ZBTB16: variants seen among roughly 807,000 people sequenced by gnomAD.
ZBTB16 encodes the protein zinc finger and BTB domain-containing protein 16.
A neutral mutation model predicts 56.8 loss-of-function variants in ZBTB16; 8 were observed. The ratio of observed to expected loss-of-function variants is 0.14; its 90% CI spans 0.08 to 0.25. The LOEUF is 0.25. Ranked by LOEUF, ZBTB16 falls within the 10% of genes least tolerant of loss-of-function variation. The probability of loss-of-function intolerance (pLI) is 1.00; values close to 1 mark genes in which losing one functional copy is unlikely to be tolerated. For synonymous variants in ZBTB16, 363 were observed against 368.5 expected (o/e 0.98, Z 0.17); for missense variants, 625 against 903.0 (o/e 0.69, Z 3.95).
chr11:114,088,795 T>G (rs767984822), intron 2 of ZBTB16, among the ~76,000 whole-genome samples: 17 of 152,226 alleles, frequency 1.1e-4, no homozygotes, highest in Non-Finnish European at 2.5e-4. Context: ...GTTTTTTCTT[T>G]TATCTTTTCT....
intron 4 of ZBTB16, among the ~76,000 whole-genome samples, chr11:114,235,476 A>G (rs1944545022): frequency 6.6e-6 from 1 of 152,218 alleles, no homozygotes; most frequent in South Asian, 2.1e-4. Flanking sequence ...GAAATGGCAC[A>G]GGTGTAAACA....
chr11:114,161,822 T>A (rs563147421), intron 3 of ZBTB16, among the ~76,000 whole-genome samples: 25 of 151,954 alleles, frequency 1.6e-4, no homozygotes, highest in Non-Finnish European at 3.2e-4. Flanking sequence ...GGCTTTTTTT[T>A]ATGTAGACTA....
chr11:114,125,872 A>G (rs907152950), intron 2 of ZBTB16, among the ~76,000 whole-genome samples: 13 of 152,182 alleles, frequency 8.5e-5, no homozygotes, highest in African/African-American at 3.1e-4. Flanking sequence ...CTCTTTTCAC[A>G]TGAAGAGGCA....
intron 2 of ZBTB16, among the ~76,000 whole-genome samples, chr11:114,136,926 A>G (rs1247013417): frequency 6.6e-6 from 1 of 151,442 alleles, no homozygotes; most frequent in Non-Finnish European, 1.5e-5. Context: ...TTCCTATCCC[A>G]TTTTCCTGCC....
chr11:114,204,071 A>C (rs1943796255), intron 4 of ZBTB16, among the ~76,000 whole-genome samples: 1 of 152,212 alleles, frequency 6.6e-6, no homozygotes, highest in South Asian at 2.1e-4. Context: ...TTTAAGAAAA[A>C]TCATACCTGT....
At chr11:114,211,838 A>C (rs974743384) in intron 4 of ZBTB16, among the ~76,000 whole-genome samples, 3 of 152,134 alleles carry the variant, frequency 2.0e-5, no homozygotes, top group African/African-American at 7.2e-5. Flanking sequence ...CGAGATGGTC[A>C]AGGATCTGGC....
Position 114,063,197 on chromosome 11 carries a change from C to G in ZBTB16, c.-90-14C>G. The G allele has an allele frequency of 7.6e-7, 1 of 1,315,644 alleles. No homozygotes were observed. The highest frequency in any genetic ancestry group is 1.1e-6 in the Non-Finnish European group (1 of 944,260). The allele number at this position is 1,315,644 out of a possible 1,614,324, so 81.5% of individuals were successfully genotyped here. A position where few individuals can be genotyped will look rare whatever the true frequency, so the allele number is the denominator to read the frequency against. On this transcript the variant is annotated splice_polypyrimidine_tract_variant and intron_variant, in intron 1 of 6. Coordinates refer to ENST00000335953, the MANE Select transcript of ZBTB16 (RefSeq NM_006006.6). This position sits in a 1 kb window ranked among gnomAD's most constrained non-coding sequence, Gnocchi z 6.5. ...TCTCATCTCTTTTGCTTCTTCCCCTCTTCTTTCTCCTAGCCTCCTCTATTG... is the reference window on the plus strand; with the variant it reads ...TCTCATCTCTTTTGCTTCTTCCCCTGTTCTTTCTCCTAGCCTCCTCTATTG...
At chr11:114,237,648 T>C (rs1475080112) in intron 4 of ZBTB16, among the ~76,000 whole-genome samples, 1 of 152,116 alleles carries the variant, frequency 6.6e-6, no homozygotes, top group Admixed American at 6.6e-5. Context: ...AAAGCTAGCA[T>C]TTATTTGCTT....
intron 4 of ZBTB16, among the ~76,000 whole-genome samples, chr11:114,219,313 C>T (rs565873615): frequency 2.6e-5 from 4 of 152,288 alleles, no homozygotes; most frequent in Middle Eastern, 3.4e-3. Flanking sequence ...AAACAGAACA[C>T]TCCAGGTCAC....
chr11:114,120,887 CT>C (rs1941321871), intron 2 of ZBTB16, among the ~76,000 whole-genome samples: 1 of 152,112 alleles, frequency 6.6e-6, no homozygotes, highest in Non-Finnish European at 1.5e-5. Context: ...CCTCTTCAGC[CT>C]TTTGGACTCT....
At chr11:114,120,321 G>A (rs1730489296) in intron 2 of ZBTB16, among the ~76,000 whole-genome samples, 1 of 152,162 alleles carries the variant, frequency 6.6e-6, no homozygotes, top group African/African-American at 2.4e-5. Flanking sequence ...GGGACATGGG[G>A]CAGGGCAGCA....
At chr11:114,088,108 AC>A (rs1356185053) in intron 2 of ZBTB16, among the ~76,000 whole-genome samples, 1 of 147,298 alleles carries the variant, frequency 6.8e-6, no homozygotes. Context: ...GAGCTCCCAC[AC>A]CAGAAGAGGT....
chr11:114,215,613 C>T (rs1161445917), intron 4 of ZBTB16, among the ~76,000 whole-genome samples: 1 of 152,210 alleles, frequency 6.6e-6, no homozygotes, highest in Non-Finnish European at 1.5e-5. Flanking sequence ...ACAGCCGCAG[C>T]AGCCGCATTA....
At chr11:114,202,280 G>A (rs754196301) in intron 4 of ZBTB16, among the ~76,000 whole-genome samples, 17 of 152,194 alleles carry the variant, frequency 1.1e-4, no homozygotes, top group Non-Finnish European at 2.1e-4. Context: ...CTCCCCATAT[G>A]GGAGACTTGG....
chr11:114,171,626 ACAC>A (rs1942971226), intron 3 of ZBTB16, among the ~76,000 whole-genome samples: 1 of 152,150 alleles, frequency 6.6e-6, no homozygotes, highest in Non-Finnish European at 1.5e-5. Flanking sequence ...CATCTTTCTG[ACAC>A]CACAAGGCCG....
At chr11:114,070,533 G>A (rs1939310043) in intron 2 of ZBTB16, among the ~76,000 whole-genome samples, 1 of 152,254 alleles carries the variant, frequency 6.6e-6, no homozygotes, top group African/African-American at 2.4e-5. Context: ...GAGCAAGTAA[G>A]TGACTTCCCA....
At chr11:114,119,629 G>T (rs967748289) in intron 2 of ZBTB16, among the ~76,000 whole-genome samples, 3 of 152,180 alleles carry the variant, frequency 2.0e-5, no homozygotes, top group African/African-American at 7.2e-5. Context: ...GAAAACTTCT[G>T]TTTGGGTCTC....
chr11:114,089,820 C>T (rs1416237127), intron 2 of ZBTB16, among the ~76,000 whole-genome samples: 1 of 152,204 alleles, frequency 6.6e-6, no homozygotes, highest in Non-Finnish European at 1.5e-5. Context: ...GCTGCTCCCC[C>T]TCTAGACTTC....
Position 114,251,005 on chromosome 11 carries a change from T to G in ZBTB16, c.*450T>G, listed in dbSNP as rs1944908752. ...GAGGTGAGCCAGAAGGGCGCTCCCCTGCTGATGGGTCTGGGCTGGGTCACT... is the reference window on the plus strand; with the variant it reads ...GAGGTGAGCCAGAAGGGCGCTCCCCGGCTGATGGGTCTGGGCTGGGTCACT... On this transcript the variant is annotated 3_prime_UTR_variant, in exon 7 of 7. Transcript: ENST00000335953. Among the ~76,000 whole-genome samples the G allele has an allele frequency of 6.6e-6, 1 of 152,120 alleles. No homozygotes were observed. The highest frequency in any genetic ancestry group is 2.4e-5 in the African/African-American group (1 of 41,412).
Sources: gnomAD v4.1 joint callset for allele counts (sites outside exome capture counted in the v4.1 genomes callset) on GRCh38, gnomAD v4.1.1 for gene constraint, Gnocchi (gnomAD v3.1) non-coding constraint, MANE v1.5 for transcripts, NCBI Gene and HGNC (gene_info 2026-07-23, HGNC 2026-07-21) for gene names.